The following GRIK2 variants were observed in gnomAD, a reference collection of about 807,000 sequenced individuals.
The protein encoded by GRIK2 is glutamate receptor ionotropic, kainate 2.
In GRIK2, 32 loss-of-function variants were observed where a neutral mutation model predicts 100.3. That is an observed-to-expected ratio of 0.32 (90% CI 0.24 to 0.43). The LOEUF (loss-of-function observed/expected upper bound fraction) is 0.43. Ranked by LOEUF, GRIK2 falls within the 20% of genes least tolerant of loss-of-function variation. GRIK2 has a pLI of 1.00. For synonymous variants in GRIK2, 417 were observed against 389.4 expected, an observed-to-expected ratio of 1.07 and a Z score of -0.83; for missense variants, 843 against 1,114.9, an observed-to-expected ratio of 0.76 and a Z score of 3.47.
At chr6:102,052,942 C>T (rs1042515941) in intron 15 of GRIK2, among the ~76,000 whole-genome samples, 1 of 151,988 alleles carries the variant, frequency 6.6e-6, no homozygotes, top group African/African-American at 2.4e-5. Context: ...GTGGCGGGCA[C>T]CTGTCATCCC....
At chr6:101,944,663 G>A (rs575083882) in intron 14 of GRIK2, among the ~76,000 whole-genome samples, 2 of 151,864 alleles carry the variant, frequency 1.3e-5, no homozygotes, top group African/African-American at 4.8e-5. Flanking sequence ...CTGAACAAAA[G>A]CAAACTAAAT....
chr6:102,065,966 C>T, intron 16 of GRIK2: 1 of 1,200,662 alleles, frequency 8.3e-7, no homozygotes, highest in Non-Finnish European at 1.1e-6. Flanking sequence ...TTTCCATATA[C>T]TGGCTGTCAG....
At chr6:101,690,755 C>G (rs1013670560) in intron 7 of GRIK2, among the ~76,000 whole-genome samples, 3 of 152,158 alleles carry the variant, frequency 2.0e-5, no homozygotes, top group African/African-American at 2.4e-5. Context: ...TGTCACTCAT[C>G]ATGTATCACC....
At chr6:102,057,882 C>T (rs761015295) in intron 16 of GRIK2, among the ~76,000 whole-genome samples, 5 of 151,780 alleles carry the variant, frequency 3.3e-5, no homozygotes, top group Non-Finnish European at 7.4e-5. Flanking sequence ...ATATTAGGCA[C>T]TTAAAATGAG....
At chr6:102,022,316 T>C (rs1370346383) in intron 14 of GRIK2, among the ~76,000 whole-genome samples, 1 of 151,626 alleles carries the variant, frequency 6.6e-6, no homozygotes, top group African/African-American at 2.4e-5. Context: ...GTGAAGTAGT[T>C]ATTTCTTATT....
intron 2 of GRIK2, among the ~76,000 whole-genome samples, chr6:101,424,293 A>G (rs1776576066): frequency 6.6e-6 from 1 of 151,406 alleles, no homozygotes; most frequent in South Asian, 2.1e-4. Flanking sequence ...AACATTAGGT[A>G]TATCTCCTAA....
intron 4 of GRIK2, among the ~76,000 whole-genome samples, chr6:101,673,767 CT>C (rs1770611921): frequency 6.6e-6 from 1 of 152,098 alleles, no homozygotes; most frequent in Admixed American, 6.6e-5. Context: ...ATTTGCCAGT[CT>C]TCATTTGTAG....
intron 7 of GRIK2, among the ~76,000 whole-genome samples, chr6:101,764,445 A>G (rs75991539): frequency 0.045 from 6,887 of 151,944 alleles, 406 homozygotes; most frequent in African/African-American, 0.13. Context: ...GTGTGTGTGT[A>G]TGTGTGAGAG....
chr6:101,647,523 A>G (rs1781586203), intron 4 of GRIK2, among the ~76,000 whole-genome samples: 1 of 151,970 alleles, frequency 6.6e-6, no homozygotes, highest in African/African-American at 2.4e-5. Context: ...GATATAAGAA[A>G]TCACAGCCAT....
intron 2 of GRIK2, among the ~76,000 whole-genome samples, chr6:101,482,270 G>T (rs1419314174): frequency 6.6e-6 from 1 of 152,154 alleles, no homozygotes; most frequent in African/African-American, 2.4e-5. Context: ...TTTATGCTTA[G>T]CACTGGAAAC....
At position 102,008,919 on chromosome 6, in the gene GRIK2, CAT is replaced by C. The variant is rs113029520; in HGVS notation, c.2086-26421_2086-26420del. On this transcript the variant is annotated intron_variant, in intron 14 of 16. Transcript: ENST00000369134. ...AATATGTAATATACATGTATACACA[CAT>C]GTCCATAGTTAAATTATGTTTAAAG... Among the ~76,000 whole-genome samples, 310 of 152,040 alleles carry C rather than the reference CAT, an allele frequency of 2.0e-3. 1 individual carries two copies. Among genetic ancestry groups the C allele is most frequent in the African/African-American group, 7.3e-3 (303 of 41,518 alleles).
At chr6:101,897,261 G>C (rs908499894) in intron 12 of GRIK2, among the ~76,000 whole-genome samples, 2 of 151,104 alleles carry the variant, frequency 1.3e-5, no homozygotes, top group Non-Finnish European at 3.0e-5. Context: ...TTTTGGACCA[G>C]AATAAATATT....
chr6:101,451,695 AGGGGG>A (rs66705609), intron 2 of GRIK2, among the ~76,000 whole-genome samples: 54,868 of 125,640 alleles, frequency 0.44, 10,610 homozygotes, highest in Admixed American at 0.51. Flanking sequence ...TTTATCTCTG[AGGGGG>A]GGGGGGGTGC....
intron 14 of GRIK2, among the ~76,000 whole-genome samples, chr6:102,008,868 G>A (rs1271466807): frequency 3.9e-5 from 6 of 152,016 alleles, no homozygotes; most frequent in Admixed American, 3.3e-4. Flanking sequence ...TCAAAATGTT[G>A]TGTTATACAT....
intron 7 of GRIK2, among the ~76,000 whole-genome samples, chr6:101,717,819 T>G (rs1193051844): frequency 6.6e-6 from 1 of 151,766 alleles, no homozygotes; most frequent in African/African-American, 2.4e-5. Flanking sequence ...AGCAATCTGT[T>G]TTTATGAATT....
At chr6:101,545,976 G>A (rs532604493) in intron 2 of GRIK2, among the ~76,000 whole-genome samples, 1 of 150,864 alleles carries the variant, frequency 6.6e-6, no homozygotes, top group South Asian at 2.1e-4. Flanking sequence ...GATCCCTCTA[G>A]CTTTTTTCAT....
intron 10 of GRIK2, among the ~76,000 whole-genome samples, chr6:101,842,973 G>T (rs1465170): frequency 0.084 from 12,821 of 152,138 alleles, 1,422 homozygotes; most frequent in African/African-American, 0.26. Flanking sequence ...CAAACAAAAT[G>T]TTCAGTGAAT....
At chr6:101,441,009 G>A (rs1447748215) in intron 2 of GRIK2, among the ~76,000 whole-genome samples, 2 of 125,558 alleles carry the variant, frequency 1.6e-5, no homozygotes, top group Non-Finnish European at 3.2e-5. Context: ...ATCTTATTCT[G>A]TCTTGCTGCT....
Position 101,511,539 on chromosome 6 carries a change from A to G in GRIK2, c.116-110410A>G, listed in dbSNP as rs1774317975. ...TATATTAAGCATTTTGGACACCCAA[A>G]TGTATAAAATATATGAATAATAAAT... is the stretch of plus-strand genomic sequence containing the variant. On this transcript the variant is annotated intron_variant, in intron 2 of 16. Transcript: ENST00000369134. 2.0e-5 allele frequency among the ~76,000 whole-genome samples: 3 copies of G among 152,038 alleles called. No individual in the cohort carries two copies. The South Asian group carries it at 6.2e-4, about 31-fold the overall frequency.
Sources: gnomAD v4.1 joint callset for allele counts (sites outside exome capture counted in the v4.1 genomes callset) on GRCh38, gnomAD v4.1.1 for gene constraint, MANE v1.5 for transcripts, NCBI Gene and HGNC (gene_info 2026-07-23, HGNC 2026-07-21) for gene names.